ROBO2: variants seen among roughly 807,000 people sequenced by gnomAD.
ROBO2 encodes the protein roundabout guidance receptor 2, also known as roundabout homolog 2.
In ROBO2, 53 loss-of-function variants were observed where a neutral mutation model predicts 160.8. That is an observed-to-expected ratio of 0.33 (90% confidence interval 0.26 to 0.41). The LOEUF (loss-of-function observed/expected upper bound fraction) is 0.41, where lower values mean the gene tolerates loss of function less well. Among genes scored for constraint, ROBO2 ranks in the 10% least tolerant of loss-of-function variants. The pLI is 1.00. For missense variants in ROBO2, 1,577 were observed against 1,722.4 expected (o/e 0.92, Z 1.49); for synonymous variants, 664 against 611.7 (o/e 1.09, Z -1.26).
At chr3:75,950,746 A>G (rs1202374225) in intron 2 of ROBO2, among the ~76,000 whole-genome samples, 2 of 151,860 alleles carry the variant, frequency 1.3e-5, no homozygotes, top group African/African-American at 4.8e-5. Flanking sequence ...GTTTCCTCTC[A>G]CTTCCCAAGG....
chr3:76,574,160 G>A (rs910655848), intron 2 of ROBO2, among the ~76,000 whole-genome samples: 2 of 151,974 alleles, frequency 1.3e-5, no homozygotes, highest in Non-Finnish European at 2.9e-5. Flanking sequence ...TTAGAATTAA[G>A]CATGAAAAAC....
At chr3:76,328,786 G>T (rs2073233515) in intron 2 of ROBO2, among the ~76,000 whole-genome samples, 1 of 151,974 alleles carries the variant, frequency 6.6e-6, no homozygotes, top group South Asian at 2.1e-4. Context: ...GTGAACCCGG[G>T]AGGCGGACCT....
chr3:76,301,473 G>GT (rs1559734067), intron 2 of ROBO2, among the ~76,000 whole-genome samples: 5 of 151,952 alleles, frequency 3.3e-5, no homozygotes, highest in Non-Finnish European at 7.4e-5. Flanking sequence ...TGTTCTTTGT[G>GT]TTTTTTATAC....
At chr3:77,393,229 T>C (rs1178021072) in intron 2 of ROBO2, among the ~76,000 whole-genome samples, 1 of 152,156 alleles carries the variant, frequency 6.6e-6, no homozygotes, top group East Asian at 1.9e-4. Context: ...AATGTATCAA[T>C]TTCTCTTCTC....
At chr3:77,463,002 A>G (rs1460819069) in intron 2 of ROBO2, among the ~76,000 whole-genome samples, 1 of 152,184 alleles carries the variant, frequency 6.6e-6, no homozygotes, top group African/African-American at 2.4e-5. Context: ...TGTCCCCAAT[A>G]ATTCATACTT....
At chr3:76,846,865 A>G (rs543563943) in intron 2 of ROBO2, among the ~76,000 whole-genome samples, 30 of 152,270 alleles carry the variant, frequency 2.0e-4, no homozygotes, top group Non-Finnish European at 3.7e-4. Context: ...ACTGGTCTGT[A>G]GCTATAATTC....
intron 2 of ROBO2, among the ~76,000 whole-genome samples, chr3:76,277,186 A>G (rs1707975226): frequency 6.6e-6 from 1 of 151,974 alleles, no homozygotes; most frequent in Non-Finnish European, 1.5e-5. Flanking sequence ...ATTCATACAT[A>G]AGCACGTAAT....
chr3:76,264,343 T>TTC (rs1553691235), intron 2 of ROBO2, among the ~76,000 whole-genome samples: 3 of 151,450 alleles, frequency 2.0e-5, no homozygotes, highest in Non-Finnish European at 4.4e-5. Flanking sequence ...TTTTTTTTTT[T>TTC]CCCCCTTGGT....
chr3:77,340,525 C>A (rs911912049), intron 2 of ROBO2, among the ~76,000 whole-genome samples: 1 of 151,960 alleles, frequency 6.6e-6, no homozygotes, highest in Non-Finnish European at 1.5e-5. Context: ...AATTTTCTGG[C>A]AAAATAGGGT....
At chr3:75,930,961 A>G (rs1237876618) in intron 1 of ROBO2, among the ~76,000 whole-genome samples, 1 of 152,220 alleles carries the variant, frequency 6.6e-6, no homozygotes, top group Non-Finnish European at 1.5e-5. Flanking sequence ...TAGAAACCAA[A>G]GTGATCTCTT....
chr3:77,046,918 G>A (rs919864441), intron 1 of ROBO2, among the ~76,000 whole-genome samples: 9 of 152,160 alleles, frequency 5.9e-5, no homozygotes, highest in Non-Finnish European at 1.3e-4. Context: ...GGTACCAAAT[G>A]TTCAAGTCAC....
chr3:77,579,905 A>G (rs902688028), intron 15 of ROBO2, 42 bp from the exon 17 acceptor site: 21 of 1,558,162 alleles, frequency 1.3e-5, no homozygotes, highest in Non-Finnish European at 1.8e-5. Flanking sequence ...ACCAGAAACG[A>G]TAATCTTATA....
intron 2 of ROBO2, among the ~76,000 whole-genome samples, chr3:76,725,728 T>C (rs561015805): frequency 6.6e-6 from 1 of 152,162 alleles, no homozygotes; most frequent in African/African-American, 2.4e-5. Flanking sequence ...AGGTATTCTC[T>C]GTTAGGTGGG....
At chr3:76,611,875 C>T (rs1399351465) in intron 2 of ROBO2, among the ~76,000 whole-genome samples, 1 of 151,850 alleles carries the variant, frequency 6.6e-6, no homozygotes, top group Non-Finnish European at 1.5e-5. Flanking sequence ...AAAGTTTATC[C>T]ACTTTTTTTG....
chr3:76,060,189 T>C (rs936531059), intron 2 of ROBO2, among the ~76,000 whole-genome samples: 7 of 152,194 alleles, frequency 4.6e-5, no homozygotes, highest in Admixed American at 1.3e-4. Flanking sequence ...CATGCTCTTA[T>C]AATCCAAAAA....
chr3:76,902,870 C>T (rs1166625321), intron 2 of ROBO2, among the ~76,000 whole-genome samples: 1 of 151,820 alleles, frequency 6.6e-6, no homozygotes, highest in Non-Finnish European at 1.5e-5. Flanking sequence ...ATTAATAACA[C>T]AAAAACTATG....
At chr3:76,518,809 G>A (rs1358025173) in intron 2 of ROBO2, among the ~76,000 whole-genome samples, 1 of 152,104 alleles carries the variant, frequency 6.6e-6, no homozygotes, top group Admixed American at 6.6e-5. Flanking sequence ...GCATAGTGTT[G>A]AGCCATCACT....
At chr3:76,564,353 A>T (rs1345524436) in intron 2 of ROBO2, among the ~76,000 whole-genome samples, 1 of 151,404 alleles carries the variant, frequency 6.6e-6, no homozygotes, top group Non-Finnish European at 1.5e-5. Context: ...GAGAAATCAC[A>T]TACACTAATA....
At chr3:77,205,513 G>T (rs1045721752) in intron 2 of ROBO2, among the ~76,000 whole-genome samples, 2 of 151,930 alleles carry the variant, frequency 1.3e-5, no homozygotes, top group Non-Finnish European at 2.9e-5. Context: ...GGTACAGGAT[G>T]GGGGGACATG....
Sources: gnomAD v4.1 joint callset for allele counts (sites outside exome capture counted in the v4.1 genomes callset) on GRCh38, gnomAD v4.1.1 for gene constraint, MANE v1.5 for transcripts, NCBI Gene and HGNC (gene_info 2026-07-23, HGNC 2026-07-21) for gene names.